The following ZNF438 variants were observed in gnomAD, a reference collection of about 807,000 sequenced individuals.
ZNF438 encodes the protein zinc finger protein 438.
A neutral mutation model predicts 38.0 loss-of-function variants in ZNF438; 25 were observed. The ratio of observed to expected loss-of-function variants is 0.66; its 90% CI spans 0.48 to 0.92. ZNF438 has a LOEUF of 0.92. Ranked by LOEUF, ZNF438 falls within the 40% of genes least tolerant of loss-of-function variation. The probability of loss-of-function intolerance (pLI) is 0.00; values close to 1 mark genes in which losing one functional copy is unlikely to be tolerated. For synonymous variants in ZNF438, 372 were observed against 364.1 expected (o/e 1.02, Z -0.25); for missense variants, 1,007 against 999.6 (o/e 1.01, Z -0.10).
chr10:30,935,717 GC>G (rs1174467482), intron 2 of ZNF438, among the ~76,000 whole-genome samples: 2 of 152,164 alleles, frequency 1.3e-5, no homozygotes, highest in African/African-American at 4.8e-5. Flanking sequence ...AGCTGGAGAG[GC>G]CTCAGGAAAC....
chr10:30,849,589 T>A (rs764333128), exon 5 of ZNF438: 3 of 1,614,260 alleles, frequency 1.9e-6, no homozygotes, highest in Admixed American at 3.3e-5. Context: ...TGGTTGGTGA[T>A]AAATTGGTCA....
rs548010203 is a variant in ZNF438 at position 30,949,887 on chromosome 10, C to G, written c.-191-8236G>C. Among the ~76,000 whole-genome samples the G allele has an allele frequency of 9.3e-3, 1,421 of 152,156 alleles. 20 individuals carry two copies. The highest frequency in any genetic ancestry group is 0.032 in the African/African-American group (1,317 of 41,490). On this transcript the variant is annotated intron_variant, in intron 1 of 5. Transcript: ENST00000413025. ...TCCAGGAATTGAACTCAGCTCTGCA[C>G]CAAGCGGACCTAATAGACATCTACA... is the stretch of plus-strand genomic sequence containing the variant.
chr10:30,907,361 A>G (rs996700008), intron 3 of ZNF438, among the ~76,000 whole-genome samples: 10 of 152,164 alleles, frequency 6.6e-5, no homozygotes, highest in African/African-American at 2.2e-4. Flanking sequence ...TTATCATGGT[A>G]ATACACTGGC....
At chr10:30,933,054 G>C (rs2045867193) in intron 2 of ZNF438, among the ~76,000 whole-genome samples, 1 of 152,164 alleles carries the variant, frequency 6.6e-6, no homozygotes, top group African/African-American at 2.4e-5. Flanking sequence ...ATAAATTTCT[G>C]TTATTTAAAG....
chr10:31,023,544 A>C (rs756775723), intron 1 of ZNF438, among the ~76,000 whole-genome samples: 2 of 152,240 alleles, frequency 1.3e-5, no homozygotes, highest in Non-Finnish European at 2.9e-5. Flanking sequence ...TTCAGAAGAA[A>C]AGCAAAATCA....
At chr10:30,987,429 C>A (rs1320804024) in intron 1 of ZNF438, among the ~76,000 whole-genome samples, 1 of 150,998 alleles carries the variant, frequency 6.6e-6, no homozygotes, top group Admixed American at 6.6e-5. Flanking sequence ...TCTTAGAATT[C>A]TTTGAGGCTT....
At chr10:30,928,728 G>A (rs1253427442) in intron 2 of ZNF438, among the ~76,000 whole-genome samples, 2 of 152,010 alleles carry the variant, frequency 1.3e-5, no homozygotes, top group Admixed American at 6.5e-5. Context: ...CACTGTCCCC[G>A]AGTCCTGGTC....
intron 1 of ZNF438, among the ~76,000 whole-genome samples, chr10:31,009,520 T>A (rs1055172703): frequency 9.2e-5 from 14 of 152,344 alleles, no homozygotes; most frequent in African/African-American, 3.1e-4. Flanking sequence ...CAAAAAATAC[T>A]AAGTATTATA....
At chr10:31,003,778 A>G (rs539282542) in intron 1 of ZNF438, among the ~76,000 whole-genome samples, 90 of 152,156 alleles carry the variant, frequency 5.9e-4, no homozygotes, top group Non-Finnish European at 9.4e-4. Context: ...GAGCTGATCT[A>G]CGTGAGATCA....
chr10:30,953,491 T>C (rs923089219), intron 1 of ZNF438, among the ~76,000 whole-genome samples: 3 of 151,260 alleles, frequency 2.0e-5, no homozygotes, highest in African/African-American at 7.3e-5. Flanking sequence ...TGGAGGGAGC[T>C]ATATTACTAG....
chr10:30,845,999 A>G (rs1159189580), intron 5 of ZNF438, among the ~76,000 whole-genome samples: 1 of 152,094 alleles, frequency 6.6e-6, no homozygotes, highest in African/African-American at 2.4e-5. Context: ...CTTCTATTCA[A>G]TTTTGGCTCA....
chr10:30,892,679 G>A (rs1406318901), intron 3 of ZNF438, among the ~76,000 whole-genome samples: 1 of 151,936 alleles, frequency 6.6e-6, no homozygotes, highest in African/African-American at 2.4e-5. Flanking sequence ...CAGAGGCAAC[G>A]GCTCAACAGC....
chr10:30,849,863 G>A, exon 5 of ZNF438: 1 of 1,614,132 alleles, frequency 6.2e-7, no homozygotes, highest in South Asian at 1.1e-5. Context: ...TTGCTCTAGT[G>A]ATGGTACTTC....
chr10:30,872,749 C>CG lies in ZNF438; in HGVS notation c.37+4248_37+4249insC, dbSNP rs745824280. ...TGGGTGACAGAGTGAGACTCTGTCT[C>CG]AAAAAAAAAAAAAAAAAAGAATTGA... On this transcript the variant is annotated intron_variant, in intron 4 of 5. Transcript: ENST00000413025. Among the ~76,000 whole-genome samples the CG allele has an allele frequency of 1.2e-4, 11 of 88,864 alleles. No individual in the cohort carries two copies. In the East Asian group the frequency reaches 3.5e-3, roughly 28 times the overall value. 58.3% of individuals were successfully genotyped at this position (88,864 alleles called of 152,430 possible). A position where few individuals can be genotyped will look rare whatever the true frequency, so the allele number is the denominator to read the frequency against.
intron 1 of ZNF438, among the ~76,000 whole-genome samples, chr10:30,942,961 T>A (rs1177837250): frequency 6.6e-6 from 1 of 152,192 alleles, no homozygotes; most frequent in Non-Finnish European, 1.5e-5. Context: ...CTAGTGACCT[T>A]TGGAATACGT....
At chr10:30,953,666 AC>A (rs1246886902) in intron 1 of ZNF438, among the ~76,000 whole-genome samples, 8 of 97,400 alleles carry the variant, frequency 8.2e-5, no homozygotes, top group Non-Finnish European at 9.8e-5. Context: ...ACACACACAC[AC>A]ACAAAAAAAA....
chr10:30,901,658 GGTCTCACCGCTCGGCGATA>G (rs1421904150), intron 3 of ZNF438, among the ~76,000 whole-genome samples: 28 of 151,968 alleles, frequency 1.8e-4, no homozygotes, highest in African/African-American at 6.0e-4. Context: ...AATAGGCGAT[GGTCTCACCGCTCGGCGATA>G]GTCTCACCGC....
At chr10:30,952,039 G>C (rs1324820473) in intron 1 of ZNF438, among the ~76,000 whole-genome samples, 1 of 149,718 alleles carries the variant, frequency 6.7e-6, no homozygotes, top group Admixed American at 6.7e-5. Flanking sequence ...CATGGTACTG[G>C]TACCAAAACA....
In ZNF438 at chr10:30,853,516, G is replaced by A. The variant is rs548356244; in HGVS notation, c.38-3149C>T. Among the ~76,000 whole-genome samples, 5 of 152,180 alleles carry A rather than the reference G, an allele frequency of 3.3e-5. No homozygotes were observed. In the South Asian group the frequency reaches 1.0e-3, roughly 32 times the overall value. ...GAGGCTCCTGGCTGGGAGGAGCATT[G>A]GCTACTCCCGCCCACCCAAGACACT... On this transcript the variant is annotated intron_variant, in intron 4 of 5. Transcript: ENST00000413025.
Sources: gnomAD v4.1 joint callset for allele counts (sites outside exome capture counted in the v4.1 genomes callset) on GRCh38, gnomAD v4.1.1 for gene constraint, MANE v1.5 for transcripts, NCBI Gene and HGNC (gene_info 2026-07-23, HGNC 2026-07-21) for gene names.